The following HEATR5A variants were observed in gnomAD, a reference collection of about 807,000 sequenced individuals.
HEATR5A encodes the protein HEAT repeat containing 5A, also known as HEAT repeat-containing protein 5A.
A neutral mutation model predicts 218.8 loss-of-function variants in HEATR5A; 178 were observed. That is an observed-to-expected ratio of 0.81 (90% CI 0.72 to 0.92). HEATR5A has a LOEUF of 0.92. Ranked by LOEUF, HEATR5A falls within the 40% of genes least tolerant of loss-of-function variation. HEATR5A has a pLI of 0.00. For synonymous variants in HEATR5A, 864 were observed against 871.6 expected, an observed-to-expected ratio of 0.99 and a Z score of 0.15; for missense variants, 2,420 against 2,418.9, an observed-to-expected ratio of 1.00 and a Z score of -0.01.
intron 4 of HEATR5A, among the ~76,000 whole-genome samples, chr14:31,397,658 CA>C (rs537734132): frequency 0.19 from 14,565 of 75,686 alleles, 882 homozygotes; most frequent in African/African-American, 0.3. Context: ...GACTCCGTCT[CA>C]AAAAAAAAAA....
intron 6 of HEATR5A, among the ~76,000 whole-genome samples, chr14:31,390,946 C>A (rs1477092755): frequency 1.3e-5 from 2 of 152,052 alleles, no homozygotes; most frequent in African/African-American, 4.8e-5. Flanking sequence ...CAGCTCCATG[C>A]GTGTCACTGC....
intron 22 of HEATR5A, among the ~76,000 whole-genome samples, chr14:31,333,658 T>C (rs531174242): frequency 5.3e-5 from 8 of 152,270 alleles, no homozygotes; most frequent in African/African-American, 1.9e-4. Flanking sequence ...AGGCTGACTC[T>C]CTTGTGATGG....
chr14:31,377,800 A>G (rs1415950920), intron 11 of HEATR5A, among the ~76,000 whole-genome samples: 1 of 152,152 alleles, frequency 6.6e-6, no homozygotes, highest in Non-Finnish European at 1.5e-5. Context: ...AAGCAAATGA[A>G]TAAGAATAAA....
In HEATR5A at chr14:31,402,894, CAAAAAT is replaced by C. The variant is rs1440582966; in HGVS notation, c.76_81del (p.Ile26_Phe27del). Reference sequence around the variant, plus strand: ...AGCTTCTCCAAGTATCTCAACCACTCAAAAATAAACTCTGCCTTCTGAACTTCACCT... The same window carrying C: ...AGCTTCTCCAAGTATCTCAACCACTCAAACTCTGCCTTCTGAACTTCACCT... On this transcript the variant is annotated inframe_deletion, in exon 2 of 36. Coordinates refer to ENST00000543095, the MANE Select transcript of HEATR5A (RefSeq NM_015473.4). 5 of 1,536,428 alleles carry C rather than the reference CAAAAAT, an allele frequency of 3.3e-6. No homozygotes were observed. Among genetic ancestry groups the C allele is most frequent in the Non-Finnish European group, 4.4e-6 (5 of 1,146,964 alleles).
intron 27 of HEATR5A, among the ~76,000 whole-genome samples, 169 bp from the exon 28 acceptor site, chr14:31,313,359 T>C (rs1899816905): frequency 6.6e-6 from 1 of 152,118 alleles, no homozygotes; most frequent in African/African-American, 2.4e-5. Context: ...AAAACTGGGG[T>C]AGAAAGAGTC....
chr14:31,395,359 GA>G lies in HEATR5A; in HGVS notation c.448-12del. 37 of 1,440,854 alleles carry G rather than the reference GA, an allele frequency of 2.6e-5. No homozygotes were observed. The highest frequency in any genetic ancestry group is 5.2e-5 in the South Asian group (4 of 76,326). 89.3% of individuals were successfully genotyped at this position (1,440,854 alleles called of 1,614,324 possible). On this transcript the variant is annotated splice_polypyrimidine_tract_variant and intron_variant, in intron 4 of 35. Coordinates refer to ENST00000543095, the MANE Select transcript of HEATR5A (RefSeq NM_015473.4). The stretch of plus-strand genomic sequence containing the variant: ...ATATCGGCCTTGAGACTTCCAAAAA[GA>G]AAAAAAATTAAATAGGAAAAATAAT...
chr14:31,380,505 T>C lies in HEATR5A; in HGVS notation c.1670A>G (p.Gln557Arg). ...AGCAGAAATCAGCAACCATCCAGCT[T>C]GTGTGCGCTGAGCTGAAAGGCGACT... Reference protein sequence around the residue: ...QNSRLSAQRTQAGWLLISALM... With the variant: ...QNSRLSAQRTRAGWLLISALM... Residue 557 changes from glutamine (Q) to arginine (R), a missense_variant, in exon 11 of 36, where the codon CAA (glutamine) becomes CGA (arginine). Transcript: ENST00000543095. The C allele has an allele frequency of 6.2e-7, 1 of 1,609,238 alleles. No homozygotes were observed. The highest frequency in any genetic ancestry group is 8.5e-7 in the Non-Finnish European group (1 of 1,177,740).
intron 34 of HEATR5A, among the ~76,000 whole-genome samples, 198 bp downstream of exon 34, chr14:31,295,711 G>A (rs1899168869): frequency 6.6e-6 from 1 of 151,794 alleles, no homozygotes. Context: ...CTGCCACTAT[G>A]CTCTACCCTT....
In HEATR5A at chr14:31,400,340, C is replaced by T. The variant is rs776697227; in HGVS notation, c.299G>A (p.Arg100His). ...ATAACTTGGAGAATCATCTTTGCTA[C>T]GAATAAGATCATTACATTTATCGAT... ...EAIDKCNDLI[R>H]SKDDSPSYLP... The change falls in exon 3 of 36, where the codon CGT (arginine) becomes CAT (histidine). Residue 100 changes from arginine (R) to histidine (H), a missense_variant. Transcript: ENST00000543095. 1.3e-4 allele frequency: 206 copies of T among 1,535,322 alleles called. No individual in the cohort carries two copies. The highest frequency in any genetic ancestry group is 2.9e-4 in the East Asian group (12 of 40,900).
intron 22 of HEATR5A, among the ~76,000 whole-genome samples, chr14:31,330,699 G>A (rs1418306197): frequency 6.6e-6 from 1 of 151,712 alleles, no homozygotes; most frequent in Non-Finnish European, 1.5e-5. Flanking sequence ...GCTGAGGCAG[G>A]AGAATAGCAT....
chr14:31,346,732 A>C (rs1380282485), intron 19 of HEATR5A, among the ~76,000 whole-genome samples: 1 of 152,224 alleles, frequency 6.6e-6, no homozygotes, highest in Non-Finnish European at 1.5e-5. Context: ...TAGGAAAACG[A>C]ATTTAGCCTT....
At chr14:31,410,790 A>G (rs2031244718) in intron 1 of HEATR5A, among the ~76,000 whole-genome samples, 1 of 152,170 alleles carries the variant, frequency 6.6e-6, no homozygotes, top group Non-Finnish European at 1.5e-5. Context: ...TCTACAATAA[A>G]ATACTTTAAA....
Position 31,302,398 on chromosome 14 carries a change from T to A in HEATR5A, c.5361A>T (p.Lys1787Asn). ...GGGCCATGGGAGAAGATAATATTCC[T>A]TTTAGAGCCTGTAGGGAAGCTGCAA... The part of the protein sequence containing the change: ...STVAASLQAL[K>N]GILSSPMARA... Residue 1787 changes from lysine (K) to asparagine (N), a missense_variant, in exon 33 of 36, where the codon AAA (lysine) becomes AAT (asparagine). Coordinates refer to ENST00000543095, the MANE Select transcript of HEATR5A (RefSeq NM_015473.4). 6.2e-7 allele frequency: 1 copy of A among 1,600,930 alleles called. No homozygotes were observed. The highest frequency in any genetic ancestry group is 8.5e-7 in the Non-Finnish European group (1 of 1,173,394).
rs958937235 is a variant in HEATR5A, at chr14:31,397,240, G to A, written c.447+1433C>T. Among the ~76,000 whole-genome samples, 5 of 151,988 alleles carry A rather than the reference G, an allele frequency of 3.3e-5. No homozygotes were observed. In the East Asian group the frequency reaches 9.6e-4, roughly 29 times the overall value. ...TTACATTTTTTAAAAATGTGTGTGT[G>A]ACTTTCCAACATTTCTATAAATTAC... On this transcript the variant is annotated intron_variant, in intron 4 of 35. Transcript: ENST00000543095.
At chr14:31,301,837 A>G (rs1899392724) in intron 33 of HEATR5A, among the ~76,000 whole-genome samples, 1 of 75,120 alleles carries the variant, frequency 1.3e-5, no homozygotes, top group East Asian at 4.3e-4. Flanking sequence ...TTTTTTTTTG[A>G]GACAGAGTCT....
chr14:31,334,900 C>G (rs148711428), intron 22 of HEATR5A, among the ~76,000 whole-genome samples: 6 of 138,016 alleles, frequency 4.3e-5, no homozygotes, highest in African/African-American at 1.6e-4. Flanking sequence ...GAGCCAAGAT[C>G]GTGCCACTGC....
intron 16 of HEATR5A, among the ~76,000 whole-genome samples, chr14:31,355,106 T>C (rs747839749): frequency 6.6e-6 from 1 of 152,136 alleles, no homozygotes; most frequent in East Asian, 1.9e-4. Context: ...TAGATGAAAA[T>C]CTATTTAAAA....
Position 31,345,106 on chromosome 14 carries a change from C to T in HEATR5A, c.3039G>A (p.Thr1013=), listed in dbSNP as rs370678724. The T allele has an allele frequency of 1.5e-4, 241 of 1,612,972 alleles. No homozygotes were observed. The highest frequency in any genetic ancestry group is 3.3e-4 in the Middle Eastern group (2 of 6,084). The stretch of plus-strand genomic sequence containing the variant: ...GCACACCTTGTAGCTCTGGACCTAA[C>T]GTGGTAATAAGGGCATTCAAACAGC... ...LGRCLNALIT[T]LGPELQGNST... The change falls in exon 20 of 36, where the codon ACG becomes ACA. Residue 1013 remains threonine, a synonymous_variant. Transcript: ENST00000543095.
intron 19 of HEATR5A, among the ~76,000 whole-genome samples, chr14:31,346,937 A>T (rs1270839567): frequency 6.6e-6 from 1 of 152,190 alleles, no homozygotes; most frequent in Non-Finnish European, 1.5e-5. Context: ...AATAGGTAAG[A>T]TATGTACAAC....
Sources: gnomAD v4.1 joint callset for allele counts (sites outside exome capture counted in the v4.1 genomes callset) on GRCh38, gnomAD v4.1.1 for gene constraint, MANE v1.5 for transcripts, NCBI Gene and HGNC (gene_info 2026-07-23, HGNC 2026-07-21) for gene names.